The following NUDCD1 variants were observed in gnomAD, a reference collection of about 807,000 sequenced individuals.
NUDCD1 encodes NudC domain containing 1, also known as nudC domain-containing protein 1.
NUDCD1 carries 60 observed loss-of-function variants against 67.8 expected under a neutral mutation model. The ratio of observed to expected loss-of-function variants is 0.88; its 90% CI spans 0.72 to 1.10. The LOEUF (loss-of-function observed/expected upper bound fraction) is 1.10. Ranked by LOEUF, NUDCD1 falls within the 50% of genes least tolerant of loss-of-function variation. The pLI, the probability that NUDCD1 is intolerant of heterozygous loss-of-function variation, is 0.00. For missense variants in NUDCD1, 643 were observed against 695.0 expected (o/e 0.93, Z 0.84); for synonymous variants, 244 against 230.8 (o/e 1.06, Z -0.52).
chr8:109,287,331 G>T (rs1294331674), intron 5 of NUDCD1, among the ~76,000 whole-genome samples: 1 of 152,082 alleles, frequency 6.6e-6, no homozygotes, highest in Non-Finnish European at 1.5e-5. Context: ...AAAGACACGT[G>T]TGCTAGTATG....
chr8:109,243,352 G>A (rs1457313726), intron 9 of NUDCD1, 51 bp from the exon 10 acceptor site: 25 of 1,383,444 alleles, frequency 1.8e-5, no homozygotes, highest in South Asian at 1.1e-4. Flanking sequence ...TAAACAGAAG[G>A]GGAAAAATGA....
chr8:109,265,819 A>AC (rs1813979912), intron 8 of NUDCD1, among the ~76,000 whole-genome samples: 1 of 152,056 alleles, frequency 6.6e-6, no homozygotes, highest in Non-Finnish European at 1.5e-5. Flanking sequence ...AGACTCTAAG[A>AC]CTGCTGCTCA....
intron 1 of NUDCD1, among the ~76,000 whole-genome samples, chr8:109,332,059 AT>A (rs1815818577): frequency 6.6e-6 from 1 of 152,194 alleles, no homozygotes; most frequent in Non-Finnish European, 1.5e-5. Flanking sequence ...TCATATACTC[AT>A]TTTATTGAAT....
intron 9 of NUDCD1, 121 bp from the exon 10 acceptor site, chr8:109,243,422 T>C (rs927159779): frequency 5.5e-6 from 4 of 732,782 alleles, no homozygotes; most frequent in South Asian, 2.3e-5. Flanking sequence ...AAGTAAAATA[T>C]ATACCATAAG....
intron 9 of NUDCD1, among the ~76,000 whole-genome samples, chr8:109,244,623 C>T (rs528135697): frequency 3.4e-4 from 51 of 152,192 alleles, no homozygotes; most frequent in African/African-American, 1.2e-3. Flanking sequence ...AAATACGTAA[C>T]TTCACTTCTT....
intron 7 of NUDCD1, among the ~76,000 whole-genome samples, chr8:109,272,653 AC>A (rs1450109525): frequency 6.6e-6 from 1 of 152,204 alleles, no homozygotes; most frequent in Non-Finnish European, 1.5e-5. Context: ...TTGCTAAGAT[AC>A]AGAGATATGT....
At chr8:109,317,649 C>A (rs975846238) in intron 2 of NUDCD1, among the ~76,000 whole-genome samples, 1 of 152,106 alleles carries the variant, frequency 6.6e-6, no homozygotes, top group African/African-American at 2.4e-5. Context: ...AGTTACCTGA[C>A]ATTATGATTT....
chr8:109,287,445 A>C (rs1814601792), intron 5 of NUDCD1, among the ~76,000 whole-genome samples: 1 of 152,212 alleles, frequency 6.6e-6, no homozygotes, highest in African/African-American at 2.4e-5. Context: ...ACACCATGGA[A>C]TACTACACAG....
At chr8:109,253,993 A>C (rs538911884) in intron 8 of NUDCD1, among the ~76,000 whole-genome samples, 4 of 152,286 alleles carry the variant, frequency 2.6e-5, no homozygotes, top group Admixed American at 6.5e-5. Flanking sequence ...TGAGTCAAGA[A>C]CAGGTGCCAC....
intron 8 of NUDCD1, among the ~76,000 whole-genome samples, chr8:109,269,939 CTAAAT>C (rs1814098522): frequency 1.1e-5 from 1 of 91,384 alleles, no homozygotes; most frequent in African/African-American, 6.6e-5. Flanking sequence ...TAATAAGGTT[CTAAAT>C]TAAAAAAAAA....
intron 9 of NUDCD1, among the ~76,000 whole-genome samples, chr8:109,243,905 A>G (rs139383354): frequency 6.6e-6 from 1 of 152,270 alleles, no homozygotes; most frequent in African/African-American, 2.4e-5. Context: ...AATGTTGATC[A>G]CTATAACTTC....
intron 2 of NUDCD1, among the ~76,000 whole-genome samples, chr8:109,309,451 G>A (rs866621982): frequency 4.6e-5 from 7 of 152,030 alleles, no homozygotes; most frequent in South Asian, 2.1e-4. Context: ...GGCATACAAC[G>A]GACATACCTC....
Position 109,271,185 on chromosome 8 carries a change from G to A in NUDCD1, c.1174-55C>T. 7 of 1,236,400 alleles carry A rather than the reference G, an allele frequency of 5.7e-6. 1 individual carries two copies. In the South Asian group the frequency reaches 9.0e-5, roughly 16 times the overall value. 76.6% of individuals were successfully genotyped at this position (1,236,400 alleles called of 1,614,324 possible). A position where few individuals can be genotyped will look rare whatever the true frequency, so the allele number is the denominator to read the frequency against. ...AGTAAAACAAATAAACAAGGGAATGGGTTTCTTCATCTTTAAAAATTTTAA... is the reference window on the plus strand; with the variant it reads ...AGTAAAACAAATAAACAAGGGAATGAGTTTCTTCATCTTTAAAAATTTTAA... On this transcript the variant is annotated intron_variant, in intron 7 of 9. Transcript: ENST00000239690.
At chr8:109,269,521 G>C (rs551879005) in intron 8 of NUDCD1, among the ~76,000 whole-genome samples, 2 of 152,266 alleles carry the variant, frequency 1.3e-5, no homozygotes, top group East Asian at 1.9e-4. Context: ...CCAGAACTCA[G>C]ACCTGGTAAG....
chr8:109,311,817 C>G (rs1232366563), intron 2 of NUDCD1, among the ~76,000 whole-genome samples: 1 of 151,518 alleles, frequency 6.6e-6, no homozygotes, highest in Non-Finnish European at 1.5e-5. Flanking sequence ...ACAAATAGGA[C>G]TACAAATAGG....
At chr8:109,300,968 T>C (rs1361191810) in intron 2 of NUDCD1, among the ~76,000 whole-genome samples, 1 of 152,178 alleles carries the variant, frequency 6.6e-6, no homozygotes, top group African/African-American at 2.4e-5. Context: ...ACAAAACAAT[T>C]ATCAAGCAAG....
intron 8 of NUDCD1, among the ~76,000 whole-genome samples, chr8:109,256,460 C>CAATT (rs10669649): frequency 0.4 from 61,294 of 151,586 alleles, 12,603 homozygotes; most frequent in South Asian, 0.5. Flanking sequence ...TGTTGAGTCT[C>CAATT]AAACACGTAT....
intron 2 of NUDCD1, 93 bp downstream of exon 2, chr8:109,322,216 T>G: frequency 1.6e-6 from 1 of 621,472 alleles, no homozygotes; most frequent in Non-Finnish European, 2.8e-6. Context: ...GCACCTCACT[T>G]CTCTGGATAT....
In NUDCD1 at chr8:109,241,153, C is replaced by G. The variant is rs911469330; in HGVS notation, c.*1856G>C. Reference sequence around the variant, plus strand: ...GGCTCTAGACCTATTCATCTTTTAACGTAGGTCAACATGCGACAATATTTA... The same window carrying G: ...GGCTCTAGACCTATTCATCTTTTAAGGTAGGTCAACATGCGACAATATTTA... On this transcript the variant is annotated 3_prime_UTR_variant, in exon 10 of 10. Transcript: ENST00000239690. 2.0e-5 allele frequency: 3 copies of G among 152,112 alleles called. No individual in the cohort carries two copies. In the East Asian group the frequency reaches 5.8e-4, roughly 29 times the overall value. 9.4% of individuals were successfully genotyped at this position (152,112 alleles called of 1,614,324 possible).
Sources: gnomAD v4.1 joint callset for allele counts (sites outside exome capture counted in the v4.1 genomes callset) on GRCh38, gnomAD v4.1.1 for gene constraint, MANE v1.5 for transcripts, NCBI Gene and HGNC (gene_info 2026-07-23, HGNC 2026-07-21) for gene names.